The following ANGEL1 variants were observed in gnomAD, a reference collection of about 807,000 sequenced individuals.
ANGEL1 encodes RNA 2',3'-cyclic phosphatase ANGEL1.
ANGEL1 carries 62 observed loss-of-function variants against 76.4 expected under a neutral mutation model. That is an observed-to-expected ratio of 0.81 (90% CI 0.66 to 1.00). The LOEUF (loss-of-function observed/expected upper bound fraction) is 1.00. Among genes scored for constraint, ANGEL1 ranks in the 50% least tolerant of loss-of-function variants. The pLI, the probability that ANGEL1 is intolerant of heterozygous loss-of-function variation, is 0.00. For synonymous variants in ANGEL1, 340 were observed against 331.7 expected (o/e 1.03, Z -0.27); for missense variants, 737 against 836.7 (o/e 0.88, Z 1.47).
chr14:76,809,407 C>T lies in ANGEL1; in HGVS notation c.301G>A (p.Glu101Lys). Residue 101 changes from glutamate to lysine, a missense_variant, in exon 2 of 10, where the codon GAG becomes AAG. Physicochemically the swap from Glu to Lys is moderately conservative, Grantham distance 56. Transcript: ENST00000251089. ...LALLMDNPGE[E>K]NAASEDRWSS... ...CACCTGTCCTCTGAAGCAGCATTCT[C>T]TTCTCCAGGATTATCCATCAGAAGT... 6.2e-7 allele frequency: 1 copy of T among 1,614,268 alleles called. No individual in the cohort carries two copies. The highest frequency in any genetic ancestry group is 8.5e-7 in the Non-Finnish European group (1 of 1,180,046).
chr14:76,800,549 T>C (rs554708843), intron 7 of ANGEL1, among the ~76,000 whole-genome samples: 65 of 152,366 alleles, frequency 4.3e-4, no homozygotes, highest in South Asian at 1.2e-3. Flanking sequence ...TCCCAGCCAT[T>C]GCCTTCAGTT....
chr14:76,812,600 G>A (rs1296058866), intron 1 of ANGEL1, 164 bp downstream of exon 1: 1 of 1,299,832 alleles, frequency 7.7e-7, no homozygotes, highest in East Asian at 3.1e-5. Context: ...GGGGTCAGGA[G>A]GGGCCCGCGG....
Position 76,812,265 on chromosome 14 carries a change from G to C in ANGEL1, c.64+499C>G. On this transcript the variant is annotated intron_variant, in intron 1 of 9. Transcript: ENST00000251089. Reference sequence around the variant, plus strand: ...TTCAACCAAAGACACCGGTGAGCGAGAGCTGCCAGGTGGCAGTGAAAGGCG... The same window carrying C: ...TTCAACCAAAGACACCGGTGAGCGACAGCTGCCAGGTGGCAGTGAAAGGCG... The C allele has an allele frequency of 6.1e-6, 6 of 988,890 alleles. No homozygotes were observed. In the South Asian group the frequency reaches 2.8e-4, roughly 46 times the overall value. 61.3% of individuals were successfully genotyped at this position (988,890 alleles called of 1,614,324 possible). A position where few individuals can be genotyped will look rare whatever the true frequency, so the allele number is the denominator to read the frequency against.
chr14:76,796,261 CTTTTTT>C lies in ANGEL1; in HGVS notation c.1619-4901_1619-4896del, dbSNP rs1249373857. 2.2e-5 allele frequency among the ~76,000 whole-genome samples: 3 copies of C among 136,134 alleles called. No homozygotes were observed. In the South Asian group the frequency reaches 7.0e-4, roughly 32 times the overall value. The allele number at this position is 136,134 out of a possible 152,430, so 89.3% of individuals were successfully genotyped here. On this transcript the variant is annotated intron_variant, in intron 7 of 9. Coordinates refer to ENST00000251089, the MANE Select transcript of ANGEL1 (RefSeq NM_015305.4). Reference sequence around the variant, plus strand: ...TAGTATTTTTTTTCTTTTTCTTTTTCTTTTTTTTTTTTTGAGATAGGGTCTCACTCT... The same window carrying C: ...TAGTATTTTTTTTCTTTTTCTTTTTCTTTTTTTGAGATAGGGTCTCACTCT...
chr14:76,808,281 T>G, intron 2 of ANGEL1, 133 bp from the exon 3 acceptor site: 3 of 727,544 alleles, frequency 4.1e-6, no homozygotes, highest in Non-Finnish European at 2.3e-6. Flanking sequence ...TCCCTCTCTG[T>G]GGGGAATTGA....
rs1323744222 is a variant in ANGEL1, at chr14:76,787,896, T to C, written c.*1332A>G. 3 of 152,602 alleles carry C rather than the reference T, an allele frequency of 2.0e-5. No individual in the cohort carries two copies. The highest frequency in any genetic ancestry group is 7.2e-5 in the African/African-American group (3 of 41,450). 9.5% of individuals were successfully genotyped at this position (152,602 alleles called of 1,614,324 possible). A position where few individuals can be genotyped will look rare whatever the true frequency, so the allele number is the denominator to read the frequency against. On this transcript the variant is annotated 3_prime_UTR_variant, in exon 10 of 10. Transcript: ENST00000251089. ...GGCATGCAGGTGACACAGTGTGGAC[T>C]AAGGAGTCCCCTGAATAAGCCAGGG...
intron 1 of ANGEL1, 45 bp downstream of exon 1, chr14:76,812,719 C>A (rs781090587): frequency 1.3e-6 from 2 of 1,483,682 alleles, no homozygotes; most frequent in Non-Finnish European, 1.8e-6. Context: ...CCCGCAGAGG[C>A]GAGCCCTGGC....
rs771009700 is a variant in ANGEL1, at chr14:76,806,397, G to A, written c.1380+19C>T. 96 of 1,601,620 alleles carry A rather than the reference G, an allele frequency of 6.0e-5. No homozygotes were observed. Among genetic ancestry groups the A allele is most frequent in the Admixed American group, 1.0e-4 (6 of 59,542 alleles). On this transcript the variant is annotated intron_variant, in intron 5 of 9. Transcript: ENST00000251089. The stretch of plus-strand genomic sequence containing the variant: ...CTTAGACCATGTTCCCACCCACACC[G>A]TGGCCTCTCCCATTTCACCTTCCAG...
intron 7 of ANGEL1, among the ~76,000 whole-genome samples, chr14:76,799,374 A>C (rs949188101): frequency 1.5e-5 from 2 of 134,040 alleles, no homozygotes; most frequent in Admixed American, 9.0e-5. Context: ...GCTCACTGCA[A>C]GCTCTGCCTC....
chr14:76,812,611 G>A (rs2140235206), intron 1 of ANGEL1, 153 bp downstream of exon 1: 15 of 1,306,464 alleles, frequency 1.1e-5, no homozygotes, highest in African/African-American at 1.5e-5. Context: ...GGGCCCGCGG[G>A]GCAGGGGCTC....
chr14:76,804,918 G>A lies in ANGEL1; in HGVS notation c.1381-1006C>T, dbSNP rs538703560. Among the ~76,000 whole-genome samples the A allele has an allele frequency of 1.6e-4, 25 of 152,192 alleles. No individual in the cohort carries two copies. The South Asian group carries it at 5.0e-3, about 30-fold the overall frequency. ...CCAGCTACTTGGGAGGCTGAGGCAG[G>A]AGAATCACATGAACCCAGGAGGCAG... On this transcript the variant is annotated intron_variant, in intron 5 of 9. Coordinates refer to ENST00000251089, the MANE Select transcript of ANGEL1 (RefSeq NM_015305.4).
intron 7 of ANGEL1, among the ~76,000 whole-genome samples, chr14:76,801,273 G>T (rs1894756294): frequency 1.3e-5 from 2 of 151,952 alleles, no homozygotes; most frequent in South Asian, 4.1e-4. Flanking sequence ...ACCATGCCTG[G>T]CTAATTTTTT....
rs762969868 is a variant in ANGEL1 at position 76,806,683 on chromosome 14, T to C, written c.1113A>G (p.Gln371=). ...RDNVGLVLLL[Q]PLVPEGLGQV... is the part of the protein sequence containing the mutation. ...GTCCCAGGCCTTCTGGGACGAGTGGTTGCAGTAGCAACACTAAGCCCACAT... is the reference window on the plus strand; with the variant it reads ...GTCCCAGGCCTTCTGGGACGAGTGGCTGCAGTAGCAACACTAAGCCCACAT... Residue 371 remains glutamine (Q), a synonymous_variant, in exon 5 of 10, where the codon CAA becomes CAG. Coordinates refer to ENST00000251089, the MANE Select transcript of ANGEL1 (RefSeq NM_015305.4). 1.2e-6 allele frequency: 2 copies of C among 1,610,012 alleles called. No homozygotes were observed.
intron 5 of ANGEL1, among the ~76,000 whole-genome samples, chr14:76,805,467 A>C (rs1233769386): frequency 5.3e-5 from 8 of 152,240 alleles, no homozygotes; most frequent in Admixed American, 3.9e-4. Flanking sequence ...TGTGCGCAAC[A>C]GTAATACAAT....
At position 76,806,828 on chromosome 14, in the gene ANGEL1, C is replaced by G; in HGVS notation, c.968G>C (p.Arg323Thr). ...GCCATCGGTTTTACACCCAGTCCTC[C>G]TCTTGTAGAAACAGGTAAAGCCTGC... is the stretch of plus-strand genomic sequence containing the variant. ...RMMGFTCFYK[R>T]RTGCKTDGCA... The change falls in exon 5 of 10, where the codon AGG becomes ACG. Residue 323 changes from arginine to threonine, a missense_variant. Coordinates refer to ENST00000251089, the MANE Select transcript of ANGEL1 (RefSeq NM_015305.4). 6.2e-7 allele frequency: 1 copy of G among 1,613,594 alleles called. No individual in the cohort carries two copies. Among genetic ancestry groups the G allele is most frequent in the Non-Finnish European group, 8.5e-7 (1 of 1,179,788 alleles).
At chr14:76,812,430 CT>C in intron 1 of ANGEL1, 1 of 1,142,554 alleles carries the variant, frequency 8.8e-7, no homozygotes, top group African/African-American at 1.6e-5. Flanking sequence ...CGCCGGGGTG[CT>C]GACTTGGCCG....
At chr14:76,794,696 GC>G (rs1894525074) in intron 7 of ANGEL1, among the ~76,000 whole-genome samples, 1 of 150,402 alleles carries the variant, frequency 6.6e-6, no homozygotes, top group Non-Finnish European at 1.5e-5. Flanking sequence ...AGAAAGGAAT[GC>G]CCTTTTATAT....
At position 76,807,481 on chromosome 14, in the gene ANGEL1, G is replaced by A; in HGVS notation, c.898C>T (p.Gln300Ter). 2 of 1,613,532 alleles carry A rather than the reference G, an allele frequency of 1.2e-6. No homozygotes were observed. The highest frequency in any genetic ancestry group is 1.7e-6 in the Non-Finnish European group (2 of 1,179,842). Residue 300 changes from glutamine to a stop codon, truncating the protein, a stop_gained, in exon 4 of 10, where the codon CAG (glutamine) becomes TAG (stop). Transcript: ENST00000251089. LOFTEE classifies it high-confidence loss of function. ...DPDILCLQEVQEDHYWEQLEP... is the reference protein window; with the variant it reads ...DPDILCLQEV ...AGCTGCTCCCAGTAATGATCTTCCT[G>A]GACTTCCTGGAGACACAGGATCTGG...
rs1267156888 is a variant in ANGEL1, at chr14:76,809,525, C to G, written c.183G>C (p.Leu61=). ...GPEQEECEGL[L]QQWREEGLSQ... ...TCAACCCTTCTTCTCGCCACTGCTG[C>G]AGCAGGCCCTCACATTCCTCCTGCT... The change falls in exon 2 of 10, where the codon CTG becomes CTC. Residue 61 remains leucine (L), a synonymous_variant. Coordinates refer to ENST00000251089, the MANE Select transcript of ANGEL1 (RefSeq NM_015305.4). The G allele has an allele frequency of 1.2e-6, 2 of 1,614,140 alleles. No homozygotes were observed. Among genetic ancestry groups the G allele is most frequent in the South Asian group, 1.1e-5 (1 of 91,088 alleles).
Sources: allele counts gnomAD v4.1 joint callset (sites outside exome capture counted in the v4.1 genomes callset), GRCh38; gene constraint gnomAD v4.1.1; transcripts MANE v1.5; gene names NCBI Gene and HGNC (gene_info 2026-07-23, HGNC 2026-07-21).